Variants in MTCL2 observed in about 807,000 individuals in gnomAD.
MTCL2 encodes microtubule crosslinking factor 2.
At chr20:36,815,514 C>T in the MTCL2 span, 8 of 1,579,978 alleles carry the variant, frequency 5.1e-6, no homozygotes, top group Non-Finnish European at 1.7e-6. The surrounding 1 kb of genome is among the most constrained non-coding windows in gnomAD (Gnocchi z 5.3). Context: ...TCTGCAGAGT[C>T]GGACCGCATG....
At chr20:36,790,461 G>A in the MTCL2 span, among the ~76,000 whole-genome samples, 2 of 124,188 alleles carry the variant, frequency 1.6e-5, no homozygotes, top group East Asian at 4.9e-4. Context: ...AAAAGATGGA[G>A]TCTTGCTCTG....
the MTCL2 span, chr20:36,783,824 A>C: frequency 1.0e-6 from 1 of 985,292 alleles, no homozygotes; most frequent in South Asian, 4.7e-5. Context: ...CCCCCACCCC[A>C]AAAAAGAAAA....
At chr20:36,804,870 C>G in the MTCL2 span, 1 of 1,613,906 alleles carries the variant, frequency 6.2e-7, no homozygotes, top group African/African-American at 1.3e-5. Flanking sequence ...GCGTCACCTT[C>G]ATGTCGGCCA....
the MTCL2 span, chr20:36,839,317 A>G: frequency 6.2e-7 from 1 of 1,612,802 alleles, no homozygotes; most frequent in Non-Finnish European, 8.5e-7. The surrounding 1 kb of genome is among the most constrained non-coding windows in gnomAD (Gnocchi z 5.1). Context: ...CCGGTACTGC[A>G]GGATGCGGCA....
At chr20:36,807,105 G>A in the MTCL2 span, among the ~76,000 whole-genome samples, 7 of 152,162 alleles carry the variant, frequency 4.6e-5, no homozygotes, top group Admixed American at 1.3e-4. Context: ...TCCCAGGGGC[G>A]GCCCTGTGTC....
the MTCL2 span, among the ~76,000 whole-genome samples, chr20:36,801,564 C>CT: frequency 6.7e-6 from 1 of 149,420 alleles, no homozygotes; most frequent in Admixed American, 6.7e-5. Flanking sequence ...AAAAAAACAA[C>CT]TTTTTTTCAT....
At chr20:36,804,759 T>C in the MTCL2 span, 1 of 1,613,952 alleles carries the variant, frequency 6.2e-7, no homozygotes, top group Non-Finnish European at 8.5e-7. Flanking sequence ...CCTTGAGCTC[T>C]GCCCGCTCTG....
chr20:36,799,079 G>A, the MTCL2 span, among the ~76,000 whole-genome samples: 1 of 152,280 alleles, frequency 6.6e-6, no homozygotes, highest in Middle Eastern at 3.4e-3. Flanking sequence ...CACTAGGCCA[G>A]GTGTGGCAGC....
chr20:36,811,994 A>C, the MTCL2 span, among the ~76,000 whole-genome samples: 1 of 152,226 alleles, frequency 6.6e-6, no homozygotes, highest in Non-Finnish European at 1.5e-5. Flanking sequence ...ACTACCCAGA[A>C]TTCCCTGAGG....
At chr20:36,840,318 C>G in the MTCL2 span, among the ~76,000 whole-genome samples, 2 of 151,436 alleles carry the variant, frequency 1.3e-5, no homozygotes, top group African/African-American at 4.8e-5. Context: ...GCACCCGCCA[C>G]CACGCCTGGC....
chr20:36,844,891 G>T, the MTCL2 span, among the ~76,000 whole-genome samples: 1 of 151,430 alleles, frequency 6.6e-6, no homozygotes, highest in Non-Finnish European at 1.5e-5. Flanking sequence ...ATGGTGGCAG[G>T]TGCCTGTAAT....
chr20:36,793,435 C>T, the MTCL2 span: 8 of 1,551,106 alleles, frequency 5.2e-6, no homozygotes, highest in Admixed American at 3.9e-5. The surrounding 1 kb of genome is among the most constrained non-coding windows in gnomAD (Gnocchi z 6.8). Context: ...TCTTGGTGCC[C>T]TCCTCTCCTG....
At chr20:36,822,112 CT>C in the MTCL2 span, among the ~76,000 whole-genome samples, 2 of 152,248 alleles carry the variant, frequency 1.3e-5, no homozygotes, top group Non-Finnish European at 2.9e-5. Context: ...CCCTGCCATT[CT>C]GGAGGGAAAA....
At chr20:36,785,312 G>A in the MTCL2 span, 24 of 985,394 alleles carry the variant, frequency 2.4e-5, no homozygotes, top group Non-Finnish European at 2.9e-5. Context: ...TGTCCCAGTG[G>A]CAAGAATGCA....
chr20:36,810,707 T>TCTTTCTCTCC, the MTCL2 span, among the ~76,000 whole-genome samples: 1 of 130,354 alleles, frequency 7.7e-6, no homozygotes, highest in Non-Finnish European at 1.6e-5. Context: ...CTCCCCTCCT[T>TCTTTCTCTCC]CTCTCTCTCC....
At chr20:36,826,006 T>G in the MTCL2 span, among the ~76,000 whole-genome samples, 1 of 145,878 alleles carries the variant, frequency 6.9e-6, no homozygotes, top group South Asian at 2.2e-4. Flanking sequence ...ATACTTTCTT[T>G]TCTTTTTTTT....
the MTCL2 span, among the ~76,000 whole-genome samples, chr20:36,811,032 T>C: frequency 4.6e-5 from 7 of 152,116 alleles, no homozygotes; most frequent in African/African-American, 1.2e-4. Flanking sequence ...CCAGAACTCC[T>C]ACATAAAACC....
chr20:36,793,859 C>T, the MTCL2 span: 1 of 1,547,952 alleles, frequency 6.5e-7, no homozygotes, highest in South Asian at 1.2e-5. This position sits in a 1 kb window ranked among gnomAD's most constrained non-coding sequence, Gnocchi z 6.8. Context: ...GAGCGAAGAG[C>T]TGCGGGGTGA....
the MTCL2 span, among the ~76,000 whole-genome samples, chr20:36,821,343 G>A: frequency 2.0e-5 from 3 of 151,996 alleles, no homozygotes; most frequent in African/African-American, 7.2e-5. Context: ...CCAACATGGA[G>A]AAACCCCGTC....
Sources: gnomAD v4.1 joint callset for allele counts (sites outside exome capture counted in the v4.1 genomes callset) on GRCh38, gnomAD v4.1.1 for gene constraint, Gnocchi (gnomAD v3.1) non-coding constraint, MANE v1.5 for transcripts, NCBI Gene and HGNC (gene_info 2026-07-23, HGNC 2026-07-21) for gene names.